The following TTN variants were observed in gnomAD, a reference collection of about 807,000 sequenced individuals.
TTN encodes titin.
In TTN, 1,525 loss-of-function variants were observed where a neutral mutation model predicts 3,223.0. The observed-to-expected ratio is 0.47, with a 90% confidence interval of 0.45 to 0.49. The LOEUF is 0.49. Among genes scored for constraint, TTN ranks in the 20% least tolerant of loss-of-function variants. The pLI, the probability that TTN is intolerant of heterozygous loss-of-function variation, is 0.00. For synonymous variants in TTN, 14,094 were observed against 15,161.0 expected (o/e 0.93, Z 5.17); for missense variants, 40,786 against 43,424.0 (o/e 0.94, Z 5.40).
At chr2:178,581,861 T>C (rs1269909298) in intron 315 of TTN, 45 bp downstream of exon 315, 1 of 1,604,948 alleles carries the variant, frequency 6.2e-7, no homozygotes, top group Admixed American at 1.7e-5. Context: ...GGGTGTTTAA[T>C]GCTGCTTTTA....
rs754416007 is a variant in TTN, at chr2:178,545,676, C to T, written c.95434G>A (p.Gly31812Ser). ...RNSFTIPSPP[G>S]IPEEVGTGKE... ...CCAGTCCCAACTTCTTCAGGTATGC[C>T]GGGTGGTGATGGAATAGCTGTTTAT... Residue 31812 changes from glycine (G) to serine (S), a missense_variant, in exon 344 of 363, where the codon GGC becomes AGC. Physicochemically the swap from Gly to Ser is moderately conservative, Grantham distance 56. Coordinates refer to ENST00000589042, the MANE Select transcript of TTN (RefSeq NM_001267550.2). 1.5e-5 allele frequency: 24 copies of T among 1,612,906 alleles called. No homozygotes were observed. The highest frequency in any genetic ancestry group is 3.3e-5 in the Admixed American group (2 of 59,942).
chr2:178,591,631 G>A lies in TTN; in HGVS notation c.60188C>T (p.Thr20063Ile). ...ENIVGLGLPD[T>I]TIPIECQEKL... Reference sequence around the variant, plus strand: ...TTCTTGACATTCTATCGGGATAGTTGTGTCAGGGAGACCAAGACCCACAAT... The same window carrying A: ...TTCTTGACATTCTATCGGGATAGTTATGTCAGGGAGACCAAGACCCACAAT... Residue 20063 changes from threonine (T) to isoleucine (I), a missense_variant, in exon 303 of 363, where the codon ACA becomes ATA. Thr to Ile is a moderately conservative substitution (Grantham distance 89). Transcript: ENST00000589042. The A allele has an allele frequency of 6.2e-7, 1 of 1,613,386 alleles. No individual in the cohort carries two copies. Among genetic ancestry groups the A allele is most frequent in the Non-Finnish European group, 8.5e-7 (1 of 1,179,542 alleles).
chr2:178,589,299 G>C lies in TTN; in HGVS notation c.62426C>G (p.Ala20809Gly), dbSNP rs1576068414. 1 of 1,613,306 alleles carries C rather than the reference G, an allele frequency of 6.2e-7. No homozygotes were observed. Residue 20809 changes from alanine to glycine, a missense_variant, in exon 304 of 363, where the codon GCT becomes GGT. Transcript: ENST00000589042. ...CCTTGGTGATCTTGTTAAGTCTGTA[G>C]CGTCTTTGTCCTTGGTCCATGCAAC... ...PEVAWTKDKD[A>G]TDLTRSPRVK...
intron 180 of TTN, 82 bp downstream of exon 180, chr2:178,661,677 A>AAT (rs903440043): frequency 1.2e-3 from 876 of 722,290 alleles, no homozygotes; most frequent in Middle Eastern, 3.1e-3. Context: ...GTATAATAAA[A>AAT]ATATATATAT....
chr2:178,579,429 A>G (rs2047171772), intron 319 of TTN, 36 bp from the exon 320 acceptor site: 1 of 1,554,910 alleles, frequency 6.4e-7, no homozygotes, highest in Non-Finnish European at 8.6e-7. Context: ...TGTTATTTTT[A>G]AGGCCAGGCG....
rs760666570 is a variant in TTN at position 178,766,445 on chromosome 2, G to A, written c.9639C>T (p.Ser3213=). The A allele has an allele frequency of 2.8e-5, 45 of 1,613,910 alleles. No homozygotes were observed. Among genetic ancestry groups the A allele is most frequent in the Middle Eastern group, 1.6e-4 (1 of 6,084 alleles). ...CCACAAAGGTGTATTCTCCTGCATC[G>A]CTCTGTCTGGTCTCAGAGATAAACA... ...HRMFISETRQ[S]DAGEYTFVAG... The change falls in exon 41 of 363, where the codon AGC becomes AGT. Residue 3213 remains serine, a synonymous_variant. Transcript: ENST00000589042.
chr2:178,619,828 C>A lies in TTN; in HGVS notation c.46489G>T (p.Val15497Phe), dbSNP rs371299188. 3.2e-5 allele frequency: 52 copies of A among 1,612,212 alleles called. 1 individual carries two copies. In the East Asian group the frequency reaches 4.7e-4, roughly 15 times the overall value. Residue 15497 changes from valine (V) to phenylalanine (F), a missense_variant, in exon 250 of 363, where the codon GTT (valine) becomes TTT (phenylalanine). By Grantham distance (50) the Val-to-Phe change is conservative (BLOSUM62 -1). Coordinates refer to ENST00000589042, the MANE Select transcript of TTN (RefSeq NM_001267550.2). ...QDILEAPGAD[V>F]VFLAELNKDK... ...TTATTGAGTTCTGCTAAAAAGACAA[C>A]ATCAGCACCAGGGGCTTCAAGAATA... is the stretch of plus-strand genomic sequence containing the variant.
chr2:178,640,508 T>C (rs1397589289), intron 221 of TTN, 33 bp downstream of exon 221: 1 of 1,572,262 alleles, frequency 6.4e-7, no homozygotes, highest in African/African-American at 1.4e-5. Context: ...TTTGCATTTT[T>C]AGAGACAACT....
At chr2:178,677,989 T>C in intron 145 of TTN, 72 bp from the exon 146 acceptor site, 2 of 1,564,446 alleles carry the variant, frequency 1.3e-6, no homozygotes, top group Admixed American at 2.2e-5. Flanking sequence ...AAGAAGCTTA[T>C]GAAAGGCAAA....
In TTN at chr2:178,701,194, G is replaced by C. The variant is rs1344215902; in HGVS notation, c.30608C>G (p.Pro10203Arg). Residue 10203 changes from proline (P) to arginine (R), a missense_variant, in exon 111 of 363, where the codon CCT (proline) becomes CGT (arginine). Pro to Arg is a moderately radical substitution (Grantham distance 103). Transcript: ENST00000589042. Reference sequence around the variant, plus strand: ...AAGGGGGATAGGAGGAGCAACCACAGGAGGGATTTCTGAAGAAAATAAATG... The same window carrying C: ...AAGGGGGATAGGAGGAGCAACCACACGAGGGATTTCTGAAGAAAATAAATG... ...IRAVPPEEIP[P>R]VVAPPIPLLL... The C allele has an allele frequency of 3.7e-6, 6 of 1,608,160 alleles. No individual in the cohort carries two copies. In the Middle Eastern group the frequency reaches 5.0e-4, roughly 133 times the overall value.
In TTN at chr2:178,607,897, G is replaced by A. The variant is rs374228930; in HGVS notation, c.52890C>T (p.Thr17630=). Residue 17630 remains threonine (T), a synonymous_variant, in exon 276 of 363, where the codon ACC becomes ACT. Transcript: ENST00000589042. ...CAGCACCCTCTCGGATTTCTTTGACGGTGTACTGACGGACCTTGATCATCT... is the reference window on the plus strand; with the variant it reads ...CAGCACCCTCTCGGATTTCTTTGACAGTGTACTGACGGACCTTGATCATCT... ...TEKMIKVRQY[T]VKEIREGADY... 88 of 1,612,840 alleles carry A rather than the reference G, an allele frequency of 5.5e-5. No individual in the cohort carries two copies. Among genetic ancestry groups the A allele is most frequent in the Non-Finnish European group, 4.5e-5 (53 of 1,179,304 alleles).
At chr2:178,799,351 G>T in intron 6 of TTN, 136 bp downstream of exon 6, 1 of 1,373,520 alleles carries the variant, frequency 7.3e-7, no homozygotes, top group Non-Finnish European at 1.0e-6. Context: ...TCCCCTAGAG[G>T]TTTGAGCAGC....
intron 49 of TTN, 146 bp from the exon 50 acceptor site, chr2:178,736,220 CAA>C (rs2081413107): frequency 4.2e-6 from 3 of 717,678 alleles, no homozygotes; most frequent in Non-Finnish European, 6.4e-6. Flanking sequence ...TTAATAAGAA[CAA>C]AAGATTGTCA....
chr2:178,681,146 A>C lies in TTN; in HGVS notation c.33273T>G (p.Phe11091Leu). 6.2e-7 allele frequency: 1 copy of C among 1,602,808 alleles called. No homozygotes were observed. The highest frequency in any genetic ancestry group is 1.7e-5 in the Admixed American group (1 of 57,456). ...TAATTGAAATACGTATTTTTTCCTC[A>C]AAAACTTTCTTTGGTTCTTCAGGCA... ...PKVPEEPKKVFEEKIRISITK... is the reference protein window; with the variant it reads ...PKVPEEPKKVLEEKIRISITK... Residue 11091 changes from phenylalanine (F) to leucine (L), a missense_variant, in exon 138 of 363, where the codon TTT becomes TTG. Coordinates refer to ENST00000589042, the MANE Select transcript of TTN (RefSeq NM_001267550.2).
chr2:178,775,996 C>T lies in TTN; in HGVS notation c.5868G>A (p.Lys1956=). 1 of 1,614,152 alleles carries T rather than the reference C, an allele frequency of 6.2e-7. No homozygotes were observed. The highest frequency in any genetic ancestry group is 8.5e-7 in the Non-Finnish European group (1 of 1,180,006). The change falls in exon 28 of 363, where the codon AAG becomes AAA. Residue 1956 remains lysine (K), a synonymous_variant. Transcript: ENST00000589042. ...RPEFHVHEPG[K]LQFEVQKVDR... ...CCACTTTTTGTACTTCAAACTGAAG[C>T]TTTCCTGGTTCATGTACGTGAAACT...
chr2:178,682,261 T>C (rs2069604176), intron 135 of TTN, among the ~76,000 whole-genome samples: 1 of 152,026 alleles, frequency 6.6e-6, no homozygotes, highest in Non-Finnish European at 1.5e-5. Context: ...CAAGTTTTGA[T>C]AATGGGAACC....
chr2:178,583,971 A>T, intron 311 of TTN, 65 bp from the exon 312 acceptor site: 1 of 1,412,380 alleles, frequency 7.1e-7, no homozygotes, highest in South Asian at 1.6e-5. Flanking sequence ...TCCATATTTC[A>T]CATTATCATC....
chr2:178,534,259 G>A lies in TTN; in HGVS notation c.102356C>T (p.Ser34119Phe). Residue 34119 changes from serine to phenylalanine, a missense_variant, in exon 358 of 363, where the codon TCT becomes TTT. Transcript: ENST00000589042. ...TTTAGCAACACTCACTCCCTTCTGA[G>A]ATCGAATTGCACCACCACAGGAGAT... The part of the protein sequence containing the change: ...ARISCGGAIR[S>F]QKGVSVAKVK... The A allele has an allele frequency of 1.9e-6, 3 of 1,613,940 alleles. No individual in the cohort carries two copies. The highest frequency in any genetic ancestry group is 1.7e-6 in the Non-Finnish European group (2 of 1,179,852).
intron 47 of TTN, chr2:178,750,454 C>G (rs748714213): frequency 6.2e-7 from 1 of 1,612,800 alleles, no homozygotes; most frequent in Admixed American, 1.7e-5. Flanking sequence ...GTGGGATTGG[C>G]ATGTCATTGT....
Sources: gnomAD v4.1 joint callset for allele counts (sites outside exome capture counted in the v4.1 genomes callset) on GRCh38, gnomAD v4.1.1 for gene constraint, MANE v1.5 for transcripts, NCBI Gene and HGNC (gene_info 2026-07-23, HGNC 2026-07-21) for gene names.